Variants in RGP1 observed in about 807,000 individuals in gnomAD.
RGP1 encodes RGP1 partner of RAB6A GEF complex.
RGP1 carries 28 observed loss-of-function variants against 44.5 expected under a neutral mutation model. That is an observed-to-expected ratio of 0.63 (90% CI 0.47 to 0.86). The LOEUF is 0.86. Among genes scored for constraint, RGP1 ranks in the 40% least tolerant of loss-of-function variants. The pLI, the probability that RGP1 is intolerant of heterozygous loss-of-function variation, is 0.00. For synonymous variants in RGP1, 212 were observed against 196.7 expected, an observed-to-expected ratio of 1.08 and a Z score of -0.65; for missense variants, 417 against 490.7, an observed-to-expected ratio of 0.85 and a Z score of 1.42.
chr9:35,760,141 C>A (rs923886285), downstream of RGP1, among the ~76,000 whole-genome samples: 2 of 151,868 alleles, frequency 1.3e-5, no homozygotes, highest in African/African-American at 4.8e-5. Flanking sequence ...TGAAATTCAC[C>A]ATTTTAAAAA....
the RGP1 span, among the ~76,000 whole-genome samples, chr9:35,764,183 G>A: frequency 6.6e-6 from 1 of 152,162 alleles, no homozygotes; most frequent in Non-Finnish European, 1.5e-5. Flanking sequence ...TTCCCACAAT[G>A]GAGATCTTTT....
rs1827239951 is a variant in RGP1 at position 35,750,719 on chromosome 9, T to C, written c.315T>C (p.Leu105=). 1.9e-6 allele frequency: 3 copies of C among 1,614,030 alleles called. No homozygotes were observed. The highest frequency in any genetic ancestry group is 2.5e-6 in the Non-Finnish European group (3 of 1,179,888). Residue 105 remains leucine, a synonymous_variant, in exon 4 of 9, where the codon CTT becomes CTC. Coordinates refer to ENST00000378078, the MANE Select transcript of RGP1 (RefSeq NM_001080496.3). ...PPKILFCDLR[L]DPGESKSYSY... ...AAATTCTATTCTGTGACCTGAGGCTTGATCCTGGAGAGTCCAAATCATGTG... is the reference window on the plus strand; with the variant it reads ...AAATTCTATTCTGTGACCTGAGGCTCGATCCTGGAGAGTCCAAATCATGTG...
the RGP1 span, among the ~76,000 whole-genome samples, chr9:35,775,279 A>G: frequency 6.6e-6 from 1 of 152,220 alleles, no homozygotes; most frequent in Non-Finnish European, 1.5e-5. Context: ...ATGGTGGAAG[A>G]GCTGAGAAGC....
At chr9:35,750,585 C>G (rs183972908) in intron 3 of RGP1, 73 bp from the exon 4 acceptor site, 38 of 1,518,594 alleles carry the variant, frequency 2.5e-5, no homozygotes, top group East Asian at 1.1e-4. Context: ...CTTTCACTAT[C>G]TCCACTTGCC....
At chr9:35,778,347 T>G in the RGP1 span, among the ~76,000 whole-genome samples, 1 of 152,160 alleles carries the variant, frequency 6.6e-6, no homozygotes. Flanking sequence ...AACTGTCTCT[T>G]TCATCTTGCC....
At chr9:35,767,114 A>C in the RGP1 span, among the ~76,000 whole-genome samples, 4 of 152,140 alleles carry the variant, frequency 2.6e-5, no homozygotes, top group Non-Finnish European at 5.9e-5. Context: ...AGAGTCACTG[A>C]TCTGCAGAGA....
At chr9:35,767,813 T>C in the RGP1 span, among the ~76,000 whole-genome samples, 1 of 151,744 alleles carries the variant, frequency 6.6e-6, no homozygotes, top group South Asian at 2.1e-4. Flanking sequence ...AAGTGGACAT[T>C]TGTTGTTGTT....
the RGP1 span, among the ~76,000 whole-genome samples, chr9:35,767,283 GTTTT>G: frequency 4.6e-5 from 5 of 108,426 alleles, no homozygotes; most frequent in African/African-American, 6.9e-5. Flanking sequence ...AAGCAAATTG[GTTTT>G]TTTTTTTTTT....
chr9:35,782,172 C>T, the RGP1 span, among the ~76,000 whole-genome samples: 1 of 151,664 alleles, frequency 6.6e-6, no homozygotes, highest in Non-Finnish European at 1.5e-5. Context: ...TTCTATATTA[C>T]AGGTAGGAAA....
chr9:35,766,383 C>T, the RGP1 span, among the ~76,000 whole-genome samples: 1 of 151,996 alleles, frequency 6.6e-6, no homozygotes, highest in Non-Finnish European at 1.5e-5. Context: ...GATACAAGTC[C>T]TTTGTGAGTA....
chr9:35,753,177 T>G lies in RGP1; in HGVS notation c.*303T>G. 6.2e-7 allele frequency: 1 copy of G among 1,614,198 alleles called. No homozygotes were observed. The highest frequency in any genetic ancestry group is 1.3e-5 in the African/African-American group (1 of 75,044). ...CATTCTGGGTCAGGCCCTCCCCCTT[T>G]GCAGGGCAGCCGAGGGTCAGATTTT... On this transcript the variant is annotated 3_prime_UTR_variant, in exon 9 of 9. Transcript: ENST00000378078. This position sits in a 1 kb window ranked among gnomAD's most constrained non-coding sequence, Gnocchi z 4.2.
the RGP1 span, among the ~76,000 whole-genome samples, chr9:35,764,963 T>C: frequency 6.6e-6 from 1 of 151,802 alleles, no homozygotes; most frequent in African/African-American, 2.4e-5. Flanking sequence ...CTGTCTTGAC[T>C]AAAAATACAA....
the RGP1 span, among the ~76,000 whole-genome samples, chr9:35,776,294 T>C: frequency 7.0e-6 from 1 of 143,792 alleles, no homozygotes; most frequent in Admixed American, 7.0e-5. Context: ...CTTCTTCTTC[T>C]TTTTTTTTTT....
chr9:35,776,822 C>T, the RGP1 span, among the ~76,000 whole-genome samples: 1 of 151,490 alleles, frequency 6.6e-6, no homozygotes, highest in Admixed American at 6.6e-5. Flanking sequence ...GGTGAAACCT[C>T]GTCTCCACTA....
chr9:35,750,541 C>T (rs899286078), intron 3 of RGP1, 117 bp from the exon 4 acceptor site: 2 of 1,314,498 alleles, frequency 1.5e-6, no homozygotes, highest in African/African-American at 2.9e-5. Flanking sequence ...GAAGACTATT[C>T]CCATTTCACA....
In RGP1 at chr9:35,754,861, T is replaced by G. The variant is rs563781768; in HGVS notation, c.*1987T>G. On this transcript the variant is annotated 3_prime_UTR_variant, in exon 9 of 9. Transcript: ENST00000378078. ...GGCATTCCAGAGGTGAACTGTCCAT[T>G]GCTTATCACCTTCAAACATACAGCA... is the stretch of plus-strand genomic sequence containing the variant. The G allele has an allele frequency of 6.6e-5, 10 of 152,322 alleles. No homozygotes were observed. The highest frequency in any genetic ancestry group is 2.4e-4 in the African/African-American group (10 of 41,558). 9.4% of individuals were successfully genotyped at this position (152,322 alleles called of 1,614,324 possible).
chr9:35,763,524 T>C (rs1827436674), downstream of RGP1, among the ~76,000 whole-genome samples: 1 of 152,216 alleles, frequency 6.6e-6, no homozygotes, highest in Non-Finnish European at 1.5e-5. Flanking sequence ...AATACAATCC[T>C]ATTTATATCT....
At chr9:35,781,006 AT>A in the RGP1 span, among the ~76,000 whole-genome samples, 6 of 152,222 alleles carry the variant, frequency 3.9e-5, no homozygotes, top group Non-Finnish European at 8.8e-5. Context: ...AGGTACAAAG[AT>A]TAAGGACGAT....
At chr9:35,765,020 G>A in the RGP1 span, among the ~76,000 whole-genome samples, 2 of 151,964 alleles carry the variant, frequency 1.3e-5, no homozygotes, top group Non-Finnish European at 2.9e-5. Context: ...CAGCTACTCA[G>A]GAGGCTGAGG....
Sources: gnomAD v4.1 joint callset for allele counts (sites outside exome capture counted in the v4.1 genomes callset) on GRCh38, gnomAD v4.1.1 for gene constraint, Gnocchi (gnomAD v3.1) non-coding constraint, MANE v1.5 for transcripts, NCBI Gene and HGNC (gene_info 2026-07-23, HGNC 2026-07-21) for gene names.